Variants in PCDH15 observed in about 807,000 individuals in gnomAD.
PCDH15 encodes the protein protocadherin related 15.
Under a neutral mutation model 178.5 loss-of-function variants are expected in PCDH15, and 129 were observed. The ratio of observed to expected loss-of-function variants is 0.72; its 90% confidence interval spans 0.63 to 0.84. The LOEUF (loss-of-function observed/expected upper bound fraction) is 0.84, where lower values mean the gene tolerates loss of function less well. Ranked by LOEUF, PCDH15 falls within the 40% of genes least tolerant of loss-of-function variation. The pLI is 0.00. For missense variants in PCDH15, 2,230 were observed against 2,099.9 expected (o/e 1.06, Z -1.21); for synonymous variants, 800 against 732.0 (o/e 1.09, Z -1.50).
chr10:53,849,674 C>T (rs2078216518), intron 28 of PCDH15, among the ~76,000 whole-genome samples: 1 of 151,734 alleles, frequency 6.6e-6, no homozygotes, highest in Admixed American at 6.6e-5. Flanking sequence ...ACCATTGTGG[C>T]TAACACGGTG....
chr10:55,305,527 A>G (rs1843400442), intron 1 of PCDH15, among the ~76,000 whole-genome samples: 1 of 152,194 alleles, frequency 6.6e-6, no homozygotes, highest in African/African-American at 2.4e-5. Flanking sequence ...CTTTGCCATT[A>G]AAGAAGAAAG....
chr10:54,749,207 AT>A (rs1945867768), intron 1 of PCDH15, among the ~76,000 whole-genome samples: 1 of 152,170 alleles, frequency 6.6e-6, no homozygotes, highest in Non-Finnish European at 1.5e-5. Context: ...TCAAATAACA[AT>A]TTATTTAAGC....
At chr10:53,918,786 A>G (rs2083752508) in intron 25 of PCDH15, among the ~76,000 whole-genome samples, 1 of 151,334 alleles carries the variant, frequency 6.6e-6, no homozygotes, top group Non-Finnish European at 1.5e-5. Context: ...ATAGCTTCCT[A>G]TTGCTTCTGT....
chr10:55,198,417 A>G (rs1372721954), intron 1 of PCDH15, among the ~76,000 whole-genome samples: 1 of 152,096 alleles, frequency 6.6e-6, no homozygotes, highest in African/African-American at 2.4e-5. Context: ...TGGTTGCTTT[A>G]AAAGTGCTGT....
chr10:55,437,766 G>A (rs964627795), intron 2 of PCDH15, among the ~76,000 whole-genome samples: 2 of 150,808 alleles, frequency 1.3e-5, no homozygotes, highest in East Asian at 3.9e-4. Context: ...TCAGAATCAA[G>A]CATCCTTAAA....
At chr10:55,543,812 A>G (rs1163047177) in intron 2 of PCDH15, among the ~76,000 whole-genome samples, 1 of 151,712 alleles carries the variant, frequency 6.6e-6, no homozygotes, top group Non-Finnish European at 1.5e-5. Flanking sequence ...ATCAAATATC[A>G]TTGTATTTTC....
At chr10:53,965,576 T>G (rs1716175148) in intron 21 of PCDH15, among the ~76,000 whole-genome samples, 1 of 152,274 alleles carries the variant, frequency 6.6e-6, no homozygotes, top group Non-Finnish European at 1.5e-5. Context: ...TGAGCAAAAG[T>G]GCTTGGCAAA....
intron 2 of PCDH15, among the ~76,000 whole-genome samples, chr10:54,945,475 G>A (rs1338028219): frequency 6.6e-6 from 1 of 150,618 alleles, no homozygotes; most frequent in Non-Finnish European, 1.5e-5. Flanking sequence ...TTTTTTTGGT[G>A]TTTTTTTGAT....
At chr10:54,835,674 A>G (rs563471876) in intron 3 of PCDH15, among the ~76,000 whole-genome samples, 1 of 152,154 alleles carries the variant, frequency 6.6e-6, no homozygotes, top group Non-Finnish European at 1.5e-5. Context: ...GCTCCTGTCC[A>G]ATTACATATC....
chr10:54,793,314 G>C (rs1951614234), intron 1 of PCDH15, among the ~76,000 whole-genome samples: 1 of 151,744 alleles, frequency 6.6e-6, no homozygotes, highest in African/African-American at 2.4e-5. Flanking sequence ...GGTGGCTCTG[G>C]GATACAGGAG....
At chr10:53,811,494 C>A in intron 36 of PCDH15, 55 bp downstream of exon 36, 1 of 1,028,594 alleles carries the variant, frequency 9.7e-7, no homozygotes. Context: ...TTAATAATTT[C>A]CTATTAATAA....
chr10:54,963,427 G>A (rs1838707218), intron 2 of PCDH15, among the ~76,000 whole-genome samples: 1 of 151,738 alleles, frequency 6.6e-6, no homozygotes. Flanking sequence ...TTACATCTCA[G>A]TAACATTTTA....
At chr10:55,498,272 C>T (rs536978273) in intron 2 of PCDH15, among the ~76,000 whole-genome samples, 1 of 151,960 alleles carries the variant, frequency 6.6e-6, no homozygotes, top group East Asian at 1.9e-4. Context: ...GTATTTGATT[C>T]TGCATGATAC....
intron 2 of PCDH15, among the ~76,000 whole-genome samples, chr10:55,521,304 A>G (rs1048232200): frequency 2.6e-5 from 4 of 152,008 alleles, no homozygotes; most frequent in African/African-American, 9.7e-5. Flanking sequence ...ATGCTCCTCA[A>G]TTTATGATAG....
chr10:55,008,787 T>C (rs1395501733), intron 2 of PCDH15, among the ~76,000 whole-genome samples: 4 of 151,924 alleles, frequency 2.6e-5, no homozygotes, highest in African/African-American at 4.8e-5. Context: ...AAATAATTTA[T>C]GAAAAAATAT....
intron 2 of PCDH15, among the ~76,000 whole-genome samples, chr10:55,515,846 C>G (rs551190593): frequency 7.6e-4 from 116 of 152,222 alleles, no homozygotes; most frequent in Non-Finnish European, 1.3e-3. Context: ...GATTATTACT[C>G]TCTGTAAGGC....
intron 2 of PCDH15, among the ~76,000 whole-genome samples, chr10:54,661,985 T>A (rs1433968546): frequency 6.6e-6 from 1 of 151,948 alleles, no homozygotes; most frequent in Non-Finnish European, 1.5e-5. Context: ...CTTTAGACAT[T>A]GGCCTAGGCA....
intron 2 of PCDH15, among the ~76,000 whole-genome samples, chr10:55,516,058 T>C (rs768094937): frequency 6.6e-6 from 1 of 152,134 alleles, no homozygotes; most frequent in Non-Finnish European, 1.5e-5. Context: ...ACTTGGCTTC[T>C]GCATGCCTTG....
intron 2 of PCDH15, among the ~76,000 whole-genome samples, chr10:55,477,984 T>C (rs1840096890): frequency 6.6e-6 from 1 of 151,590 alleles, no homozygotes. Flanking sequence ...AATTGACAGA[T>C]GGAAAAAATA....
Sources: gnomAD v4.1 joint callset for allele counts (sites outside exome capture counted in the v4.1 genomes callset) on GRCh38, gnomAD v4.1.1 for gene constraint, MANE v1.5 for transcripts, NCBI Gene and HGNC (gene_info 2026-07-23, HGNC 2026-07-21) for gene names.